The following CPN1 variants were observed in gnomAD, a reference collection of about 807,000 sequenced individuals.
The protein encoded by CPN1 is carboxypeptidase N catalytic chain.
A neutral mutation model predicts 46.4 loss-of-function variants in CPN1; 37 were observed. The observed-to-expected ratio is 0.80, with a 90% CI of 0.61 to 1.05. The LOEUF is 1.05. CPN1 is among the 50% of genes least tolerant of loss of function. CPN1 has a pLI of 0.00. For synonymous variants in CPN1, 224 were observed against 235.4 expected (o/e 0.95, Z 0.44); for missense variants, 563 against 602.6 (o/e 0.93, Z 0.69).
chr10:100,045,603 T>A (rs17112478), intron 8 of CPN1, among the ~76,000 whole-genome samples: 5,649 of 152,290 alleles, frequency 0.037, 146 homozygotes, highest in Admixed American at 0.054. Flanking sequence ...CTGTAACACA[T>A]TGGCTAAGAA....
At chr10:100,079,663 T>G (rs909816254) in intron 1 of CPN1, among the ~76,000 whole-genome samples, 3 of 152,226 alleles carry the variant, frequency 2.0e-5, no homozygotes, top group Admixed American at 1.3e-4. Context: ...CATGCAATAT[T>G]CTGAATCCCA....
chr10:100,059,098 A>G (rs972583367), intron 5 of CPN1, among the ~76,000 whole-genome samples: 5 of 152,192 alleles, frequency 3.3e-5, no homozygotes, highest in African/African-American at 1.2e-4. Context: ...AAGAATATAT[A>G]GGGCAAAAGC....
At chr10:100,075,795 T>C (rs2041509878) in intron 2 of CPN1, 116 bp downstream of exon 2, 1 of 1,154,008 alleles carries the variant, frequency 8.7e-7, no homozygotes, top group Non-Finnish European at 1.3e-6. Flanking sequence ...CCATTTCATC[T>C]TTTACTTTTA....
rs571750042 is a variant in CPN1, at chr10:100,066,978, C to T, written c.577-1608G>A. Among the ~76,000 whole-genome samples, 8 of 152,306 alleles carry T rather than the reference C, an allele frequency of 5.3e-5. No individual in the cohort carries two copies. In the East Asian group the frequency reaches 1.5e-3, roughly 29 times the overall value. ...AGCGAGGGAAACCTCTTTGCTTTTCCCCCTAAAATTTAGACAGAGGATTGA... is the reference window on the plus strand; with the variant it reads ...AGCGAGGGAAACCTCTTTGCTTTTCTCCCTAAAATTTAGACAGAGGATTGA... On this transcript the variant is annotated intron_variant, in intron 3 of 8. Transcript: ENST00000370418.
At chr10:100,069,995 T>C in intron 2 of CPN1, 126 bp from the exon 3 acceptor site, 1 of 1,079,502 alleles carries the variant, frequency 9.3e-7, no homozygotes, top group Non-Finnish European at 1.4e-6. Flanking sequence ...CAATCTTGGC[T>C]TACTGCAACC....
rs2041387319 is a variant in CPN1 at position 100,056,919 on chromosome 10, G to C, written c.1011+94C>G. On this transcript the variant is annotated intron_variant, in intron 6 of 8. Coordinates refer to ENST00000370418, the MANE Select transcript of CPN1 (RefSeq NM_001308.3). ...CCCAGATCTATTGGACTGAGTCAGA[G>C]CAAAAGTCAGACCTGAACCAGTGAA... 8 of 1,519,462 alleles carry C rather than the reference G, an allele frequency of 5.3e-6. No individual in the cohort carries two copies. The Middle Eastern group carries it at 5.3e-4, about 100-fold the overall frequency. The allele number at this position is 1,519,462 out of a possible 1,614,324, so 94.1% of individuals were successfully genotyped here. A position where few individuals can be genotyped will look rare whatever the true frequency, so the allele number is the denominator to read the frequency against.
chr10:100,073,147 C>T (rs867715040), intron 2 of CPN1, among the ~76,000 whole-genome samples: 8 of 152,184 alleles, frequency 5.3e-5, no homozygotes, highest in Middle Eastern at 3.4e-3. Context: ...TTTTTAGATC[C>T]TATTGAAAAC....
Position 100,057,053 on chromosome 10 carries a change from C to A in CPN1, c.971G>T (p.Trp324Leu). ...GATTAGGGCTTCCCGATTACCCAGC[C>A]ACTCCCGCTGTAACTCCTCTTCGGG... ...FPPEEELQRE[W>L]LGNREALIQF... The change falls in exon 6 of 9, where the codon TGG becomes TTG. Residue 324 changes from tryptophan to leucine, a missense_variant. Physicochemically the swap from Trp to Leu is moderately conservative, Grantham distance 61. Transcript: ENST00000370418. 1.2e-6 allele frequency: 2 copies of A among 1,614,156 alleles called. No homozygotes were observed. Among genetic ancestry groups the A allele is most frequent in the South Asian group, 2.2e-5 (2 of 91,082 alleles).
chr10:100,069,374 A>G (rs1054763141), intron 3 of CPN1, among the ~76,000 whole-genome samples: 1 of 151,900 alleles, frequency 6.6e-6, no homozygotes, highest in Non-Finnish European at 1.5e-5. Flanking sequence ...CCAGCTACTC[A>G]GGAGGCTGAG....
intron 5 of CPN1, among the ~76,000 whole-genome samples, chr10:100,057,589 G>GA (rs1359943869): frequency 1.3e-5 from 2 of 152,114 alleles, no homozygotes; most frequent in African/African-American, 4.8e-5. Flanking sequence ...CCAGTAAGGG[G>GA]GGAAATAGGA....
chr10:100,054,841 C>CTTTTTTTTTTTTTTTTTTTTT (rs56250435), intron 6 of CPN1, among the ~76,000 whole-genome samples: 2 of 132,756 alleles, frequency 1.5e-5, no homozygotes, highest in Admixed American at 7.6e-5. Flanking sequence ...TTCTTTCTTT[C>CTTTTTTTTTTTTTTTTTTTTT]TTTTTTTTTT....
At chr10:100,073,074 T>G (rs553379829) in intron 2 of CPN1, among the ~76,000 whole-genome samples, 23 of 152,354 alleles carry the variant, frequency 1.5e-4, no homozygotes, top group African/African-American at 4.6e-4. Flanking sequence ...TTACATTTTT[T>G]TCTAAGAATT....
chr10:100,060,035 G>A (rs1215858012), intron 5 of CPN1, among the ~76,000 whole-genome samples: 1 of 152,144 alleles, frequency 6.6e-6, no homozygotes, highest in Non-Finnish European at 1.5e-5. Flanking sequence ...GGTACTTAGA[G>A]CAGTCAAAAT....
chr10:100,042,665 T>C, intron 8 of CPN1, 92 bp from the exon 9 acceptor site: 1 of 1,516,484 alleles, frequency 6.6e-7, no homozygotes, highest in Non-Finnish European at 9.1e-7. Flanking sequence ...GGGAAAATTA[T>C]TATAGCAGTG....
At chr10:100,045,332 G>A (rs192937621) in intron 8 of CPN1, among the ~76,000 whole-genome samples, 14 of 152,284 alleles carry the variant, frequency 9.2e-5, no homozygotes, top group Non-Finnish European at 1.2e-4. Context: ...CTGCTTAACA[G>A]TCATTCAATT....
intron 1 of CPN1, among the ~76,000 whole-genome samples, chr10:100,076,790 G>A (rs781737673): frequency 2.0e-4 from 30 of 152,154 alleles, no homozygotes; most frequent in Non-Finnish European, 3.8e-4. Flanking sequence ...TAGGATTGGG[G>A]GCAGGACTGA....
At chr10:100,069,412 C>G (rs1231460458) in intron 3 of CPN1, among the ~76,000 whole-genome samples, 1 of 151,260 alleles carries the variant, frequency 6.6e-6, no homozygotes, top group African/African-American at 2.4e-5. Context: ...ACCTGGGAGG[C>G]GAAGGCTGCA....
At chr10:100,061,685 A>G (rs1834105276) in intron 5 of CPN1, among the ~76,000 whole-genome samples, 1 of 152,170 alleles carries the variant, frequency 6.6e-6, no homozygotes, top group Admixed American at 6.5e-5. Context: ...CTCTCAGAGG[A>G]TGGAGAGGGA....
At chr10:100,067,221 A>G (rs776461037) in intron 3 of CPN1, among the ~76,000 whole-genome samples, 29 of 151,952 alleles carry the variant, frequency 1.9e-4, no homozygotes, top group Non-Finnish European at 2.5e-4. Context: ...GGTTCAAGCA[A>G]TTCTCCTGCT....
Sources: gnomAD v4.1 joint callset for allele counts (sites outside exome capture counted in the v4.1 genomes callset) on GRCh38, gnomAD v4.1.1 for gene constraint, MANE v1.5 for transcripts, NCBI Gene and HGNC (gene_info 2026-07-23, HGNC 2026-07-21) for gene names.